COMMD1: variants seen among roughly 807,000 people sequenced by gnomAD.
The protein encoded by COMMD1 is copper metabolism domain containing 1, also known as COMM domain-containing protein 1.
Under a neutral mutation model 17.2 loss-of-function variants are expected in COMMD1, and 10 were observed. The observed-to-expected ratio is 0.58, with a 90% confidence interval of 0.36 to 0.99. The LOEUF is 0.99. Among genes scored for constraint, COMMD1 ranks in the 50% least tolerant of loss-of-function variants. The pLI, the probability that COMMD1 is intolerant of heterozygous loss-of-function variation, is 0.01. For missense variants in COMMD1, 270 were observed against 231.8 expected (o/e 1.17, Z -1.07); for synonymous variants, 97 against 91.6 (o/e 1.06, Z -0.34).
intron 1 of COMMD1, among the ~76,000 whole-genome samples, chr2:61,889,202 CTT>C (rs34949326): frequency 3.7e-5 from 2 of 54,786 alleles, no homozygotes; most frequent in Non-Finnish European, 6.2e-5. Context: ...GAAGCCCGGC[CTT>C]TTTTTTTTTT....
chr2:61,997,307 C>T (rs1010465500), intron 1 of COMMD1, among the ~76,000 whole-genome samples: 1 of 151,838 alleles, frequency 6.6e-6, no homozygotes, highest in Non-Finnish European at 1.5e-5. Flanking sequence ...AGCAATCTGC[C>T]CACCTCGGCC....
intron 2 of COMMD1, among the ~76,000 whole-genome samples, chr2:62,091,550 T>C (rs950754853): frequency 2.0e-5 from 3 of 152,238 alleles, no homozygotes; most frequent in African/African-American, 7.2e-5. Context: ...CATCTAAGTA[T>C]GCCCATGTCT....
intron 1 of COMMD1, among the ~76,000 whole-genome samples, chr2:61,978,641 C>T (rs191664503): frequency 2.6e-5 from 4 of 152,282 alleles, no homozygotes; most frequent in Non-Finnish European, 4.4e-5. Flanking sequence ...GGATCTACTT[C>T]TAACATGTCT....
At chr2:62,034,797 A>T (rs965242926) in intron 2 of COMMD1, among the ~76,000 whole-genome samples, 16 of 148,704 alleles carry the variant, frequency 1.1e-4, no homozygotes, top group African/African-American at 2.2e-4. Context: ...AAACAGTTTT[A>T]AAAAAAAAAG....
At chr2:62,063,397 A>T (rs1350442273) in intron 2 of COMMD1, among the ~76,000 whole-genome samples, 2 of 151,962 alleles carry the variant, frequency 1.3e-5, no homozygotes, top group African/African-American at 4.8e-5. Flanking sequence ...TCACCCTGTT[A>T]GCCAGGATGG....
At chr2:62,001,050 C>G in intron 2 of COMMD1, 68 bp downstream of exon 2, 1 of 1,431,010 alleles carries the variant, frequency 7.0e-7, no homozygotes, top group South Asian at 1.2e-5. Context: ...CTTGTCTATT[C>G]AGCTTGATTT....
At chr2:61,902,455 G>A (rs1472017803), upstream of COMMD1, among the ~76,000 whole-genome samples, 1 of 150,976 alleles carries the variant, frequency 6.6e-6, no homozygotes, top group African/African-American at 2.5e-5. Context: ...GTGGTGAGCC[G>A]AGATCATGCC....
At chr2:62,083,941 C>A (rs1220834154) in intron 2 of COMMD1, among the ~76,000 whole-genome samples, 1 of 152,184 alleles carries the variant, frequency 6.6e-6, no homozygotes, top group African/African-American at 2.4e-5. Flanking sequence ...GAACACATTG[C>A]ACTCAGAGTA....
intron 2 of COMMD1, among the ~76,000 whole-genome samples, chr2:62,042,576 C>T (rs1029045345): frequency 3.3e-5 from 5 of 152,160 alleles, no homozygotes; most frequent in Non-Finnish European, 5.9e-5. Flanking sequence ...GAGCGCCGAG[C>T]GCAGCCCCGG....
chr2:61,901,480 C>G (rs1669655241), upstream of COMMD1, among the ~76,000 whole-genome samples: 1 of 151,670 alleles, frequency 6.6e-6, no homozygotes, highest in South Asian at 2.1e-4. Context: ...AAAATTAGGT[C>G]AGCGTGGTGG....
At chr2:62,028,338 G>C (rs1371797256) in intron 2 of COMMD1, among the ~76,000 whole-genome samples, 1 of 152,106 alleles carries the variant, frequency 6.6e-6, no homozygotes, top group East Asian at 1.9e-4. Context: ...ACTATCACTG[G>C]GTAGGGGTAA....
Position 62,065,338 on chromosome 2 carries a change from C to CT in COMMD1, c.462+64382dup, listed in dbSNP as rs57243558. On this transcript the variant is annotated intron_variant, in intron 2 of 2. Transcript: ENST00000311832. ...AATAGTGACATTTTATATGTACTTA[C>CT]TTTTTTTTTTTTTTTTTTTTTTTTT... 6.8e-4 allele frequency among the ~76,000 whole-genome samples: 30 copies of CT among 44,412 alleles called. 1 individual carries two copies. Among genetic ancestry groups the CT allele is most frequent in the South Asian group, 1.3e-3 (1 of 748 alleles). 29.1% of individuals were successfully genotyped at this position (44,412 alleles called of 152,430 possible).
At chr2:62,124,517 T>C (rs1418281278) in intron 2 of COMMD1, among the ~76,000 whole-genome samples, 1 of 152,106 alleles carries the variant, frequency 6.6e-6, no homozygotes, top group Non-Finnish European at 1.5e-5. Flanking sequence ...AGATCTGATG[T>C]TATTTTATTT....
At chr2:61,889,962 T>A (rs1669384682) in intron 1 of COMMD1, among the ~76,000 whole-genome samples, 1 of 152,200 alleles carries the variant, frequency 6.6e-6, no homozygotes, top group Non-Finnish European at 1.5e-5. Flanking sequence ...AAGAAGGAAC[T>A]GAAGCCCAGG....
intron 2 of COMMD1, among the ~76,000 whole-genome samples, chr2:62,046,248 A>G (rs917237968): frequency 2.6e-5 from 4 of 152,232 alleles, no homozygotes; most frequent in Non-Finnish European, 4.4e-5. Flanking sequence ...TATTCTAACT[A>G]TCCTTCAGCA....
intron 1 of COMMD1, among the ~76,000 whole-genome samples, chr2:61,971,153 C>T (rs1348455667): frequency 6.6e-6 from 1 of 152,214 alleles, no homozygotes. Flanking sequence ...GGAAATTGAA[C>T]ACTCGAACAA....
At chr2:61,964,675 A>G (rs1671460933) in intron 1 of COMMD1, among the ~76,000 whole-genome samples, 1 of 150,076 alleles carries the variant, frequency 6.7e-6, no homozygotes, top group Non-Finnish European at 1.5e-5. Flanking sequence ...TCTACTAAAA[A>G]TACACCCCGG....
chr2:61,976,512 G>C (rs932602240), intron 1 of COMMD1, among the ~76,000 whole-genome samples: 1 of 152,132 alleles, frequency 6.6e-6, no homozygotes, highest in Admixed American at 6.6e-5. Context: ...CAAAATATCT[G>C]AGGAAAAAAC....
chr2:62,126,318 C>T (rs1481627686), intron 2 of COMMD1, among the ~76,000 whole-genome samples: 1 of 152,158 alleles, frequency 6.6e-6, no homozygotes, highest in Non-Finnish European at 1.5e-5. Context: ...AATGGTATTT[C>T]TGGTTCTAGA....
Sources: allele counts gnomAD v4.1 joint callset (sites outside exome capture counted in the v4.1 genomes callset), GRCh38; gene constraint gnomAD v4.1.1; transcripts MANE v1.5; gene names NCBI Gene and HGNC (gene_info 2026-07-23, HGNC 2026-07-21).